The following CLEC16A variants were observed in gnomAD, a reference collection of about 807,000 sequenced individuals.
CLEC16A encodes the protein C-type lectin domain containing 16A, also known as protein CLEC16A.
In CLEC16A, 51 loss-of-function variants were observed where a neutral mutation model predicts 109.5. That is an observed-to-expected ratio of 0.47 (90% confidence interval 0.37 to 0.59). The LOEUF (loss-of-function observed/expected upper bound fraction) is 0.59. CLEC16A is among the 20% of genes least tolerant of loss of function. The probability of loss-of-function intolerance (pLI) is 0.00; values close to 1 mark genes in which losing one functional copy is unlikely to be tolerated. For synonymous variants in CLEC16A, 673 were observed against 564.2 expected (o/e 1.19, Z -2.73); for missense variants, 1,339 against 1,394.0 (o/e 0.96, Z 0.63).
chr16:11,050,764 G>T (rs982664969), intron 17 of CLEC16A, among the ~76,000 whole-genome samples: 10 of 152,228 alleles, frequency 6.6e-5, no homozygotes, highest in Non-Finnish European at 1.5e-4. Context: ...GGGCCCACCA[G>T]CACCTGCCGT....
chr16:11,120,522 C>A lies in CLEC16A; in HGVS notation c.2117-93C>A, dbSNP rs1032727391. Reference sequence around the variant, plus strand: ...AGGCCTGGGCTCTAACCACTGAGCTCTGCTCCTGATAGAATGAGAGTCAGC... The same window carrying A: ...AGGCCTGGGCTCTAACCACTGAGCTATGCTCCTGATAGAATGAGAGTCAGC... On this transcript the variant is annotated intron_variant, in intron 19 of 23. Coordinates refer to ENST00000409790, the MANE Select transcript of CLEC16A (RefSeq NM_015226.3). 1.8e-5 allele frequency: 24 copies of A among 1,358,252 alleles called. No homozygotes were observed. In the African/African-American group the frequency reaches 2.8e-4, roughly 16 times the overall value. 84.1% of individuals were successfully genotyped at this position (1,358,252 alleles called of 1,614,324 possible). A position where few individuals can be genotyped will look rare whatever the true frequency, so the allele number is the denominator to read the frequency against.
At position 11,005,940 on chromosome 16, in the gene CLEC16A, A is replaced by G. The variant is rs190196680; in HGVS notation, c.1303+2635A>G. ...TGTTCCTGTCTGGAAATTTCTGAAT[A>G]TAGAAAATATAATTCACATGATGAC... On this transcript the variant is annotated intron_variant, in intron 11 of 23. Coordinates refer to ENST00000409790, the MANE Select transcript of CLEC16A (RefSeq NM_015226.3). Among the ~76,000 whole-genome samples, 215 of 151,842 alleles carry G rather than the reference A, an allele frequency of 1.4e-3. 1 individual carries two copies. The highest frequency in any genetic ancestry group is 6.8e-3 in the Middle Eastern group (2 of 294).
intron 18 of CLEC16A, among the ~76,000 whole-genome samples, chr16:11,052,330 AATTC>A (rs1191548334): frequency 6.6e-6 from 1 of 152,184 alleles, no homozygotes; most frequent in African/African-American, 2.4e-5. Context: ...AGTTCAGAGG[AATTC>A]ATTGCACACA....
rs184276960 is a variant in CLEC16A, at chr16:11,172,248, G to A, written c.2806+5696G>A. Among the ~76,000 whole-genome samples, 172 of 151,968 alleles carry A rather than the reference G, an allele frequency of 1.1e-3. 1 individual carries two copies. Among genetic ancestry groups the A allele is most frequent in the Admixed American group, 1.8e-3 (28 of 15,268 alleles). ...CATGCACACACTCATACAGTCACAC[G>A]CATACAAATGTATGTACGTGGTCAC... On this transcript the variant is annotated intron_variant, in intron 23 of 23. Transcript: ENST00000409790.
At chr16:11,098,165 C>G (rs1463567350) in intron 19 of CLEC16A, among the ~76,000 whole-genome samples, 4 of 152,208 alleles carry the variant, frequency 2.6e-5, no homozygotes, top group African/African-American at 7.2e-5. Flanking sequence ...AGGGATTAAC[C>G]GAGGCCTCTG....
In CLEC16A at chr16:10,961,388, G is replaced by C. The variant is rs1207256471; in HGVS notation, c.210-1067G>C. On this transcript the variant is annotated intron_variant, in intron 2 of 23. Transcript: ENST00000409790. This position sits in a 1 kb window ranked among gnomAD's most constrained non-coding sequence, Gnocchi z 4.3. ...TCACCACTGTGGAGATGCCAGACGA[G>C]GACAGAGAGGCACCCACAACTGAGT... 6.6e-6 allele frequency among the ~76,000 whole-genome samples: 1 copy of C among 152,144 alleles called. No individual in the cohort carries two copies. The highest frequency in any genetic ancestry group is 1.5e-5 in the Non-Finnish European group (1 of 68,028).
intron 13 of CLEC16A, chr16:11,027,723 C>T (rs1464678085): frequency 2.5e-5 from 39 of 1,575,256 alleles, no homozygotes; most frequent in Middle Eastern, 2.3e-4. Context: ...ACTTGGCTAT[C>T]GGGGTGAACG....
chr16:10,974,711 G>T (rs2042956834), intron 7 of CLEC16A, among the ~76,000 whole-genome samples: 1 of 152,240 alleles, frequency 6.6e-6, no homozygotes. Context: ...CAGACCCATT[G>T]GAGCAATTGG....
chr16:11,015,654 G>A (rs1300203363), intron 11 of CLEC16A, among the ~76,000 whole-genome samples: 1 of 152,216 alleles, frequency 6.6e-6, no homozygotes, highest in Non-Finnish European at 1.5e-5. Flanking sequence ...AAAAAAGTTG[G>A]ATGAGCTTGG....
Position 11,176,713 on chromosome 16 carries a change from G to C in CLEC16A, c.2807-1622G>C, listed in dbSNP as rs184203452. Among the ~76,000 whole-genome samples, 372 of 152,284 alleles carry C rather than the reference G, an allele frequency of 2.4e-3. 2 individuals carry two copies. The highest frequency in any genetic ancestry group is 8.4e-3 in the African/African-American group (347 of 41,542). ...TGATCATGCCACTGCACTCCAGCCT[G>C]GGTGACAGAGTGAGACCCTGTCTCA... On this transcript the variant is annotated intron_variant, in intron 23 of 23. Transcript: ENST00000409790.
At chr16:11,109,004 G>A (rs546022421) in intron 19 of CLEC16A, among the ~76,000 whole-genome samples, 142 of 151,448 alleles carry the variant, frequency 9.4e-4, no homozygotes, top group African/African-American at 3.2e-3. Flanking sequence ...CCAGTTACTC[G>A]GGAGGCTGAG....
chr16:11,036,995 G>A (rs976066683), intron 13 of CLEC16A, among the ~76,000 whole-genome samples: 1 of 152,248 alleles, frequency 6.6e-6, no homozygotes, highest in Non-Finnish European at 1.5e-5. Context: ...GCCTGTGACA[G>A]TGCTTTTTCT....
chr16:11,147,232 C>T (rs575364242), intron 22 of CLEC16A, among the ~76,000 whole-genome samples: 15 of 152,280 alleles, frequency 9.9e-5, no homozygotes, highest in African/African-American at 2.9e-4. Context: ...CATCAATTTC[C>T]GCCCTGGCCA....
Position 11,049,509 on chromosome 16 carries a change from T to G in CLEC16A, c.1867-2004T>G, listed in dbSNP as rs1233656455. Among the ~76,000 whole-genome samples, 4 of 152,210 alleles carry G rather than the reference T, an allele frequency of 2.6e-5. No homozygotes were observed. In the East Asian group the frequency reaches 7.7e-4, roughly 29 times the overall value. On this transcript the variant is annotated intron_variant, in intron 17 of 23. Coordinates refer to ENST00000409790, the MANE Select transcript of CLEC16A (RefSeq NM_015226.3). Reference sequence around the variant, plus strand: ...TTGTTTGTTTGTTTGTTTGTTTTAATCAAACATGTATTGTGTGTCCTATAC... The same window carrying G: ...TTGTTTGTTTGTTTGTTTGTTTTAAGCAAACATGTATTGTGTGTCCTATAC...
In CLEC16A at chr16:11,174,527, T is replaced by A. The variant is rs2068665577; in HGVS notation, c.2807-3808T>A. Reference sequence around the variant, plus strand: ...AGTCCTTCACCTTCGCGACAGTCCTTCTGAGCCAGACCTGTACAGCCTGGA... The same window carrying A: ...AGTCCTTCACCTTCGCGACAGTCCTACTGAGCCAGACCTGTACAGCCTGGA... On this transcript the variant is annotated intron_variant, in intron 23 of 23. Coordinates refer to ENST00000409790, the MANE Select transcript of CLEC16A (RefSeq NM_015226.3). The surrounding 1 kb of genome is among the most constrained non-coding windows in gnomAD (Gnocchi z 4.7). 6.6e-6 allele frequency among the ~76,000 whole-genome samples: 1 copy of A among 152,218 alleles called. No homozygotes were observed. Among genetic ancestry groups the A allele is most frequent in the Non-Finnish European group, 1.5e-5 (1 of 68,028 alleles).
chr16:11,075,804 G>A (rs376312213), intron 19 of CLEC16A, among the ~76,000 whole-genome samples: 8 of 152,088 alleles, frequency 5.3e-5, no homozygotes, highest in Admixed American at 1.3e-4. Flanking sequence ...AGGATGAGAC[G>A]CTGCCTATCA....
intron 19 of CLEC16A, among the ~76,000 whole-genome samples, chr16:11,090,470 G>A (rs1476141137): frequency 6.6e-6 from 1 of 152,170 alleles, no homozygotes; most frequent in African/African-American, 2.4e-5. Context: ...GCGGAGTGAT[G>A]TTGATGGCTG....
chr16:11,043,503 A>C (rs759347161), intron 15 of CLEC16A, among the ~76,000 whole-genome samples: 1 of 152,118 alleles, frequency 6.6e-6, no homozygotes, highest in Non-Finnish European at 1.5e-5. Context: ...TGCCATTACA[A>C]TCGAATTACC....
chr16:11,152,727 G>C (rs148894640), intron 22 of CLEC16A, among the ~76,000 whole-genome samples: 117 of 152,300 alleles, frequency 7.7e-4, no homozygotes, highest in African/African-American at 2.7e-3. Flanking sequence ...CCAAATAATA[G>C]AGCACCTGTC....
Sources: gnomAD v4.1 joint callset for allele counts (sites outside exome capture counted in the v4.1 genomes callset) on GRCh38, gnomAD v4.1.1 for gene constraint, Gnocchi (gnomAD v3.1) non-coding constraint, MANE v1.5 for transcripts, NCBI Gene and HGNC (gene_info 2026-07-23, HGNC 2026-07-21) for gene names.